The following MED12L variants were observed in gnomAD, a reference collection of about 807,000 sequenced individuals.
MED12L encodes mediator complex subunit 12L.
MED12L carries 60 observed loss-of-function variants against 281.3 expected under a neutral mutation model. The ratio of observed to expected loss-of-function variants is 0.21; its 90% CI spans 0.17 to 0.26. The LOEUF is 0.26. Ranked by LOEUF, MED12L falls within the 10% of genes least tolerant of loss-of-function variation. The probability of loss-of-function intolerance (pLI) is 1.00; values close to 1 mark genes in which losing one functional copy is unlikely to be tolerated. For synonymous variants in MED12L, 974 were observed against 987.2 expected (o/e 0.99, Z 0.25); for missense variants, 2,146 against 2,680.9 (o/e 0.80, Z 4.41).
rs904715198 is a variant in MED12L at position 151,394,683 on chromosome 3, C to G, written c.5636C>G (p.Ser1879Cys). The change falls in exon 39 of 45, where the codon TCC (serine) becomes TGC (cysteine). Residue 1879 changes from serine (S) to cysteine (C), a missense_variant. Coordinates refer to ENST00000687756, the MANE Select transcript of MED12L (RefSeq NM_001393769.1). The part of the protein sequence containing the change: ...PGGSRLDPAG[S>C]FVPTNTKQAL... Reference sequence around the variant, plus strand: ...GGCTCCAGATTGGACCCTGCAGGCTCCTTTGTCCCAACCAACACCAAACAA... The same window carrying G: ...GGCTCCAGATTGGACCCTGCAGGCTGCTTTGTCCCAACCAACACCAAACAA... The G allele has an allele frequency of 1.9e-6, 3 of 1,614,236 alleles. No homozygotes were observed. The highest frequency in any genetic ancestry group is 1.3e-5 in the African/African-American group (1 of 75,066).
At chr3:151,243,499 T>G (rs1734687080) in intron 16 of MED12L, among the ~76,000 whole-genome samples, 1 of 152,174 alleles carries the variant, frequency 6.6e-6, no homozygotes, top group African/African-American at 2.4e-5. Flanking sequence ...ACCTGGAATT[T>G]CATATCCAGC....
At chr3:151,217,023 A>G (rs1728372524) in intron 16 of MED12L, among the ~76,000 whole-genome samples, 1 of 152,192 alleles carries the variant, frequency 6.6e-6, no homozygotes, top group Non-Finnish European at 1.5e-5. Context: ...CATGGTAGGT[A>G]CTGAGTACTT....
chr3:151,112,343 C>G (rs1424806383), intron 2 of MED12L, among the ~76,000 whole-genome samples: 1 of 150,530 alleles, frequency 6.6e-6, no homozygotes, highest in Non-Finnish European at 1.5e-5. Context: ...TGCAGCAGCA[C>G]GATCTCTCCT....
chr3:151,148,981 G>A (rs1718106192), intron 5 of MED12L, among the ~76,000 whole-genome samples: 1 of 152,162 alleles, frequency 6.6e-6, no homozygotes, highest in Non-Finnish European at 1.5e-5. Flanking sequence ...TTTCCCTGTT[G>A]TCATGTTTGA....
intron 16 of MED12L, among the ~76,000 whole-genome samples, chr3:151,276,249 C>T (rs1741835113): frequency 6.6e-6 from 1 of 152,148 alleles, no homozygotes; most frequent in South Asian, 2.1e-4. Context: ...GGTTTGGGGT[C>T]AATAATTTGC....
intron 2 of MED12L, among the ~76,000 whole-genome samples, chr3:151,113,262 GAC>G (rs1712201262): frequency 6.6e-6 from 1 of 152,216 alleles, no homozygotes; most frequent in African/African-American, 2.4e-5. Context: ...AGAGGGAACA[GAC>G]AGTGCAAAAT....
chr3:151,195,618 A>G (rs1724546341), intron 16 of MED12L, among the ~76,000 whole-genome samples: 1 of 152,208 alleles, frequency 6.6e-6, no homozygotes, highest in South Asian at 2.1e-4. Context: ...GAGTAGCCTT[A>G]TATTTTAGAG....
At chr3:151,227,046 C>T (rs559234415) in intron 16 of MED12L, among the ~76,000 whole-genome samples, 7 of 152,184 alleles carry the variant, frequency 4.6e-5, no homozygotes, top group Non-Finnish European at 1.0e-4. Context: ...TTTTCTCTGG[C>T]AGGAGATGTG....
intron 11 of MED12L, among the ~76,000 whole-genome samples, chr3:151,167,669 C>T (rs1200606693): frequency 4.6e-5 from 7 of 152,132 alleles, no homozygotes; most frequent in South Asian, 2.1e-4. Flanking sequence ...TTAAATTCAT[C>T]GCGAGTTCAG....
chr3:151,165,474 G>A lies in MED12L; in HGVS notation c.1312G>A (p.Val438Met). ...ACAGATAAAACAAAGAGGCCGTGCAGTGGAAGTTCGGTGGTCATTTGACAA... is the reference window on the plus strand; with the variant it reads ...ACAGATAAAACAAAGAGGCCGTGCAATGGAAGTTCGGTGGTCATTTGACAA... The part of the protein sequence containing the change: ...EQQIKQRGRA[V>M]EVRWSFDKCQ... The change falls in exon 10 of 45, where the codon GTG becomes ATG. Residue 438 changes from valine to methionine, a missense_variant. Around this residue, in one of 9 missense-constraint regions of MED12L, gnomAD observed 722 missense variants for 861.2 expected, o/e 0.84. Transcript: ENST00000687756. The A allele has an allele frequency of 1.2e-6, 2 of 1,614,122 alleles. No homozygotes were observed. Among genetic ancestry groups the A allele is most frequent in the Non-Finnish European group, 1.7e-6 (2 of 1,179,950 alleles).
chr3:151,311,680 T>G (rs1297040001), intron 16 of MED12L, among the ~76,000 whole-genome samples: 1 of 152,200 alleles, frequency 6.6e-6, no homozygotes. Context: ...TGAGCCACAT[T>G]CTACTTCATC....
chr3:151,158,924 T>C (rs937988841), intron 7 of MED12L, 125 bp downstream of exon 7: 48 of 689,790 alleles, frequency 7.0e-5, no homozygotes, highest in South Asian at 1.9e-4. Context: ...AAAAAATGTC[T>C]TTGATGCTAT....
At chr3:151,381,602 A>G (rs1712358925) in intron 32 of MED12L, among the ~76,000 whole-genome samples, 1 of 152,112 alleles carries the variant, frequency 6.6e-6, no homozygotes, top group Admixed American at 6.5e-5. Flanking sequence ...CCCTTCATTC[A>G]GTTCTCTGTT....
At chr3:151,298,673 A>G (rs1409406561) in intron 16 of MED12L, among the ~76,000 whole-genome samples, 1 of 152,178 alleles carries the variant, frequency 6.6e-6, no homozygotes, top group Non-Finnish European at 1.5e-5. Flanking sequence ...TTGGGACGTA[A>G]GGGAACTTTG....
At chr3:151,091,502 A>G (rs1215276309) in intron 2 of MED12L, among the ~76,000 whole-genome samples, 4 of 152,182 alleles carry the variant, frequency 2.6e-5, no homozygotes, top group African/African-American at 9.7e-5. Context: ...GAAGACATCC[A>G]GTTCTGCAGG....
chr3:151,108,140 T>C (rs553685208), intron 2 of MED12L, among the ~76,000 whole-genome samples: 1 of 152,026 alleles, frequency 6.6e-6, no homozygotes, highest in African/African-American at 2.4e-5. Context: ...TTCAGGAAGA[T>C]TCATCCAGGG....
intron 16 of MED12L, among the ~76,000 whole-genome samples, chr3:151,232,872 C>A (rs1731979110): frequency 6.6e-6 from 1 of 152,088 alleles, no homozygotes; most frequent in African/African-American, 2.4e-5. Context: ...GCAACAAATC[C>A]CTGTGGCATG....
At chr3:151,293,576 TACAC>T (rs55846173) in intron 16 of MED12L, among the ~76,000 whole-genome samples, 875 of 76,200 alleles carry the variant, frequency 0.011, 15 homozygotes, top group African/African-American at 0.034. Context: ...ATGAAGCCCT[TACAC>T]ACACACACAC....
At chr3:151,304,185 T>G (rs529623058) in intron 16 of MED12L, among the ~76,000 whole-genome samples, 65 of 152,232 alleles carry the variant, frequency 4.3e-4, no homozygotes, top group African/African-American at 1.5e-3. Flanking sequence ...AAAAAGAACA[T>G]GCCTGTGACA....
Sources: allele counts gnomAD v4.1 joint callset (sites outside exome capture counted in the v4.1 genomes callset), GRCh38; gene constraint gnomAD v4.1.1; regional missense constraint gnomAD v4.1.1; transcripts MANE v1.5; gene names NCBI Gene and HGNC (gene_info 2026-07-23, HGNC 2026-07-21).